TMEM266: variants seen among roughly 807,000 people sequenced by gnomAD.
TMEM266 encodes the protein transmembrane protein 266.
Under a neutral mutation model 50.5 loss-of-function variants are expected in TMEM266, and 33 were observed. The ratio of observed to expected loss-of-function variants is 0.65; its 90% confidence interval spans 0.50 to 0.87. TMEM266 has a LOEUF of 0.87. TMEM266 is among the 40% of genes least tolerant of loss of function. The pLI is 0.00. For synonymous variants in TMEM266, 310 were observed against 292.3 expected (o/e 1.06, Z -0.62); for missense variants, 655 against 695.1 (o/e 0.94, Z 0.65).
chr15:76,154,871 C>T (rs1596139226), intron 3 of TMEM266, among the ~76,000 whole-genome samples: 2 of 152,338 alleles, frequency 1.3e-5, no homozygotes, highest in South Asian at 4.1e-4. Flanking sequence ...TTCAGGCTTT[C>T]CCTGGATGGA....
Position 76,105,563 on chromosome 15 carries a change from T to C in TMEM266, c.-96-28605T>C, listed in dbSNP as rs1049648671. ...CTCTGTTGCACTATTCAATCTTCCA[T>C]TGTAGTACAAAAGCAGTCTGACAGT... On this transcript the variant is annotated intron_variant, in intron 1 of 10. Coordinates refer to ENST00000388942, the MANE Select transcript of TMEM266 (RefSeq NM_152335.3). 3.3e-5 allele frequency among the ~76,000 whole-genome samples: 5 copies of C among 152,374 alleles called. No homozygotes were observed. The East Asian group carries it at 5.8e-4, about 18-fold the overall frequency.
chr15:76,200,372 G>A (rs960975677), intron 9 of TMEM266, among the ~76,000 whole-genome samples: 2 of 152,178 alleles, frequency 1.3e-5, no homozygotes, highest in African/African-American at 2.4e-5. Flanking sequence ...AAAGAGCCTC[G>A]CCAGCGCCAT....
chr15:76,124,338 G>A (rs1375220286), intron 1 of TMEM266, among the ~76,000 whole-genome samples: 1 of 152,180 alleles, frequency 6.6e-6, no homozygotes, highest in African/African-American at 2.4e-5. Context: ...GATGAGAAGA[G>A]CTTGGGTTCT....
chr15:76,083,127 C>T (rs1377638522), intron 1 of TMEM266, among the ~76,000 whole-genome samples: 1 of 152,060 alleles, frequency 6.6e-6, no homozygotes, highest in East Asian at 1.9e-4. Context: ...CACTGGGGAT[C>T]ATCTTTCAGC....
chr15:76,077,656 G>A (rs1479238037), intron 1 of TMEM266, among the ~76,000 whole-genome samples: 1 of 152,042 alleles, frequency 6.6e-6, no homozygotes, highest in Admixed American at 6.5e-5. Flanking sequence ...TGGCAGCAAC[G>A]TGACCGTGGA....
At position 76,164,888 on chromosome 15, in the gene TMEM266, C is replaced by T. The variant is rs192176499; in HGVS notation, c.456+4720C>T. On this transcript the variant is annotated intron_variant, in intron 5 of 10. Transcript: ENST00000388942. ...ATGGCTCTGCAGGGCACAGGGGTGTCCAGCCCCCATTCTGCTCACTAAGAG... is the reference window on the plus strand; with the variant it reads ...ATGGCTCTGCAGGGCACAGGGGTGTTCAGCCCCCATTCTGCTCACTAAGAG... Among the ~76,000 whole-genome samples the T allele has an allele frequency of 4.6e-5, 7 of 152,368 alleles. No homozygotes were observed. In the East Asian group the frequency reaches 1.4e-3, roughly 29 times the overall value.
chr15:76,174,442 T>G (rs2038239924), intron 7 of TMEM266, among the ~76,000 whole-genome samples: 1 of 151,874 alleles, frequency 6.6e-6, no homozygotes, highest in Non-Finnish European at 1.5e-5. Flanking sequence ...TCCCAGCTGC[T>G]CGGGAGGCTG....
intron 7 of TMEM266, 82 bp from the exon 8 acceptor site, chr15:76,175,477 C>A: frequency 9.3e-7 from 1 of 1,069,910 alleles, no homozygotes; most frequent in South Asian, 1.4e-5. Context: ...GAACCTGCTG[C>A]TGCCTGAATG....
At chr15:76,166,617 C>T (rs996947039) in intron 5 of TMEM266, among the ~76,000 whole-genome samples, 3 of 152,202 alleles carry the variant, frequency 2.0e-5, no homozygotes, top group Non-Finnish European at 4.4e-5. Flanking sequence ...TCTTCCTGCT[C>T]AACTTCTGCT....
intron 3 of TMEM266, among the ~76,000 whole-genome samples, chr15:76,148,755 C>T (rs1310379365): frequency 9.0e-6 from 1 of 110,926 alleles, no homozygotes; most frequent in Non-Finnish European, 1.7e-5. Flanking sequence ...TGCCACCATA[C>T]CCTACTGTTT....
At chr15:76,141,599 G>A (rs949693279) in intron 3 of TMEM266, among the ~76,000 whole-genome samples, 4 of 152,110 alleles carry the variant, frequency 2.6e-5, no homozygotes, top group Admixed American at 2.6e-4. Context: ...GTAACAAAAT[G>A]TACCATCTTA....
Position 76,169,811 on chromosome 15 carries a change from C to T in TMEM266, c.457-5C>T. Reference sequence around the variant, plus strand: ...AATAACCACTTTCTCACTTCCTTTCCTCAGACTGTTCTACGGATTGTGGTG... The same window carrying T: ...AATAACCACTTTCTCACTTCCTTTCTTCAGACTGTTCTACGGATTGTGGTG... On this transcript the variant is annotated splice_polypyrimidine_tract_variant and splice_region_variant and intron_variant, in intron 5 of 10. Transcript: ENST00000388942. 3 of 1,613,772 alleles carry T rather than the reference C, an allele frequency of 1.9e-6. No homozygotes were observed. The highest frequency in any genetic ancestry group is 1.7e-6 in the Non-Finnish European group (2 of 1,179,706).
At chr15:76,111,338 A>C (rs1348617586) in intron 1 of TMEM266, among the ~76,000 whole-genome samples, 1 of 151,446 alleles carries the variant, frequency 6.6e-6, no homozygotes, top group African/African-American at 2.4e-5. Flanking sequence ...GGCCTTCCAA[A>C]GTGCTGGGAT....
At chr15:76,187,274 G>C (rs1011915463) in intron 8 of TMEM266, among the ~76,000 whole-genome samples, 1 of 152,254 alleles carries the variant, frequency 6.6e-6, no homozygotes, top group African/African-American at 2.4e-5. Flanking sequence ...ACCTCTGGCT[G>C]TCTTGGCCTG....
intron 1 of TMEM266, among the ~76,000 whole-genome samples, chr15:76,094,006 T>C (rs376825460): frequency 2.6e-5 from 4 of 152,114 alleles, no homozygotes; most frequent in African/African-American, 9.6e-5. Context: ...TTCTGGGTTC[T>C]GTATGTTAGC....
chr15:76,134,318 T>G lies in TMEM266; in HGVS notation c.38+17T>G. ...CAATCCACAGTAAGTAATGCTGGGA[T>G]CTGCTCTCTGGATCCAGAACTGTGG... On this transcript the variant is annotated intron_variant, in intron 2 of 10. Transcript: ENST00000388942. 6.2e-7 allele frequency: 1 copy of G among 1,610,818 alleles called. No individual in the cohort carries two copies. Among genetic ancestry groups the G allele is most frequent in the East Asian group, 2.2e-5 (1 of 44,868 alleles).
At chr15:76,101,589 G>T (rs2142004016) in intron 1 of TMEM266, among the ~76,000 whole-genome samples, 1 of 152,314 alleles carries the variant, frequency 6.6e-6, no homozygotes, top group Admixed American at 6.5e-5. Context: ...GATATAGTCG[G>T]ACTAGTTCCT....
At chr15:76,188,553 A>G (rs190667434) in intron 8 of TMEM266, among the ~76,000 whole-genome samples, 4 of 152,174 alleles carry the variant, frequency 2.6e-5, no homozygotes, top group Non-Finnish European at 5.9e-5. Context: ...CAGTGAGCCG[A>G]GATGATGCCA....
chr15:76,078,723 C>G (rs193129508), intron 1 of TMEM266, among the ~76,000 whole-genome samples: 1 of 152,274 alleles, frequency 6.6e-6, no homozygotes, highest in Admixed American at 6.5e-5. Context: ...ACTTCCTTCC[C>G]TAAAGGGAAG....
Sources: allele counts gnomAD v4.1 joint callset (sites outside exome capture counted in the v4.1 genomes callset), GRCh38; gene constraint gnomAD v4.1.1; transcripts MANE v1.5; gene names NCBI Gene and HGNC (gene_info 2026-07-23, HGNC 2026-07-21).